The following VPS13D variants were observed in gnomAD, a reference collection of about 807,000 sequenced individuals.
VPS13D encodes intermembrane lipid transfer protein VPS13D.
In VPS13D, 187 loss-of-function variants were observed where a neutral mutation model predicts 461.9. The ratio of observed to expected loss-of-function variants is 0.40; its 90% confidence interval spans 0.36 to 0.46. The LOEUF (loss-of-function observed/expected upper bound fraction) is 0.46, where lower values mean the gene tolerates loss of function less well. VPS13D is among the 20% of genes least tolerant of loss of function. The pLI is 0.60. For synonymous variants in VPS13D, 1,951 were observed against 1,986.3 expected (o/e 0.98, Z 0.47); for missense variants, 4,711 against 5,364.9 (o/e 0.88, Z 3.81).
Position 12,369,614 on chromosome 1 carries a change from A to G in VPS13D, c.10720A>G (p.Ile3574Val), listed in dbSNP as rs1408346747. ...LTVKGAGSSE[I>V]NCNMNDFQDN... ...TGTTAAAGGGGCAGGGTCCTCTGAG[A>G]TCAACTGCAACATGAATGATTTCCA... The change falls in exon 54 of 70, where the codon ATC becomes GTC. Residue 3574 changes from isoleucine to valine, a missense_variant. Ile to Val is a conservative substitution (Grantham distance 29). Transcript: ENST00000620676. The G allele has an allele frequency of 6.2e-7, 1 of 1,614,216 alleles. No individual in the cohort carries two copies. Among genetic ancestry groups the G allele is most frequent in the Admixed American group, 1.7e-5 (1 of 60,018 alleles).
chr1:12,484,728 T>C (rs1472577358), intron 67 of VPS13D, among the ~76,000 whole-genome samples: 2 of 152,134 alleles, frequency 1.3e-5, no homozygotes, highest in Non-Finnish European at 2.9e-5. Flanking sequence ...CTAAGATTGG[T>C]GGGAAAGTAC....
intron 1 of VPS13D, 65 bp downstream of exon 1, chr1:12,230,185 C>G (rs972273564): frequency 1.3e-5 from 2 of 152,222 alleles, no homozygotes; most frequent in African/African-American, 4.8e-5. Flanking sequence ...CGGCGCGGAC[C>G]CGCGGGCCGC....
intron 43 of VPS13D, among the ~76,000 whole-genome samples, chr1:12,345,734 C>T (rs527806673): frequency 7.9e-5 from 12 of 152,338 alleles, no homozygotes; most frequent in Admixed American, 1.3e-4. Flanking sequence ...CACATTTCCT[C>T]ACCTCTGTAG....
In VPS13D at chr1:12,474,204, C is replaced by T. The variant is rs35530056; in HGVS notation, c.12662+13808C>T. 8.2e-3 allele frequency among the ~76,000 whole-genome samples: 1,250 copies of T among 152,094 alleles called. 7 individuals carry two copies. The highest frequency in any genetic ancestry group is 0.013 in the Non-Finnish European group (870 of 67,994). On this transcript the variant is annotated intron_variant, in intron 67 of 69. Coordinates refer to ENST00000620676, the MANE Select transcript of VPS13D (RefSeq NM_015378.4). Reference sequence around the variant, plus strand: ...CTTAAGGAAATTAGGATGGGGCATGCGACCCTGTAACAGCTGATAAACTGT... The same window carrying T: ...CTTAAGGAAATTAGGATGGGGCATGTGACCCTGTAACAGCTGATAAACTGT...
chr1:12,492,615 G>C (rs774494378), intron 67 of VPS13D, among the ~76,000 whole-genome samples: 6 of 152,182 alleles, frequency 3.9e-5, no homozygotes, highest in Non-Finnish European at 7.3e-5. Context: ...TTAAGTGAAC[G>C]TTTATATCTT....
intron 68 of VPS13D, among the ~76,000 whole-genome samples, chr1:12,503,382 C>T (rs1177526488): frequency 6.6e-6 from 1 of 151,574 alleles, no homozygotes; most frequent in East Asian, 1.9e-4. Context: ...TGGGGTCTCA[C>T]TATGTGGCCC....
Position 12,506,996 on chromosome 1 carries a change from C to A in VPS13D, c.12938C>A (p.Ser4313Tyr). 6.2e-7 allele frequency: 1 copy of A among 1,614,266 alleles called. No individual in the cohort carries two copies. The highest frequency in any genetic ancestry group is 8.5e-7 in the Non-Finnish European group (1 of 1,180,052). Reference protein sequence around the residue: ...KYDDLYHCLVSKDHGKVYVQV... With the variant: ...KYDDLYHCLVYKDHGKVYVQV... ...GATGACCTCTACCACTGCCTTGTCT[C>A]CAAAGACCATGGGAAGGTGTATGTG... The change falls in exon 69 of 70, where the codon TCC becomes TAC. Residue 4313 changes from serine (S) to tyrosine (Y), a missense_variant. Ser to Tyr is a moderately radical substitution (Grantham distance 144). Coordinates refer to ENST00000620676, the MANE Select transcript of VPS13D (RefSeq NM_015378.4).
chr1:12,249,428 T>G, intron 6 of VPS13D, 89 bp downstream of exon 6: 1 of 997,176 alleles, frequency 1.0e-6, no homozygotes, highest in East Asian at 2.6e-5. Context: ...GTTATGTAAA[T>G]GAATCACATT....
intron 65 of VPS13D, among the ~76,000 whole-genome samples, chr1:12,430,239 G>A (rs546350395): frequency 1.3e-4 from 20 of 152,248 alleles, no homozygotes; most frequent in African/African-American, 3.4e-4. Context: ...CCTTTGTAGC[G>A]TCCTCCTGTT....
chr1:12,273,860 A>C (rs375506608), intron 18 of VPS13D, among the ~76,000 whole-genome samples: 7 of 152,098 alleles, frequency 4.6e-5, no homozygotes, highest in African/African-American at 1.7e-4. Flanking sequence ...TGCTGTGAGC[A>C]TTCATGTACA....
intron 58 of VPS13D, among the ~76,000 whole-genome samples, chr1:12,383,368 A>G (rs1324733963): frequency 3.3e-5 from 5 of 152,274 alleles, no homozygotes; most frequent in South Asian, 2.1e-4. Flanking sequence ...CAAAGTATCA[A>G]TGAAATATGT....
At chr1:12,317,594 C>T (rs1263160667) in intron 30 of VPS13D, among the ~76,000 whole-genome samples, 1 of 151,540 alleles carries the variant, frequency 6.6e-6, no homozygotes, top group Non-Finnish European at 1.5e-5. Flanking sequence ...AAAATGTCTC[C>T]AAGGGCCAGG....
chr1:12,423,160 C>G (rs1644883743), intron 65 of VPS13D, among the ~76,000 whole-genome samples: 1 of 152,176 alleles, frequency 6.6e-6, no homozygotes, highest in Non-Finnish European at 1.5e-5. Flanking sequence ...ATTTGATCAT[C>G]AGAATTACCT....
rs1641827981 is a variant in VPS13D, at chr1:12,282,849, G to A, written c.4747G>A (p.Glu1583Lys). 6.2e-7 allele frequency: 1 copy of A among 1,614,096 alleles called. No homozygotes were observed. Among genetic ancestry groups the A allele is most frequent in the Middle Eastern group, 1.6e-4 (1 of 6,062 alleles). ...TCTGCCTCCCCTCAGTACCTGTGGA[G>A]AATCTTCTGTTGAAAGGAAGGAGAA... Reference protein sequence around the residue: ...SPLPPLSTCGESSVERKENGL... With the variant: ...SPLPPLSTCGKSSVERKENGL... Residue 1583 changes from glutamate to lysine, a missense_variant, in exon 21 of 70, where the codon GAA (glutamate) becomes AAA (lysine). Physicochemically the swap from Glu to Lys is moderately conservative, Grantham distance 56. This residue lies in a region of VPS13D where 4,411 missense variants were observed against 4,937.8 expected (regional missense o/e 0.89). Coordinates refer to ENST00000620676, the MANE Select transcript of VPS13D (RefSeq NM_015378.4).
At chr1:12,264,093 G>C (rs1641194940) in intron 13 of VPS13D, among the ~76,000 whole-genome samples, 1 of 152,104 alleles carries the variant, frequency 6.6e-6, no homozygotes, top group African/African-American at 2.4e-5. Context: ...AATTTGTAAT[G>C]TTATTATTGT....
At chr1:12,378,309 G>T in intron 55 of VPS13D, 119 bp from the exon 56 acceptor site, 2 of 889,014 alleles carry the variant, frequency 2.2e-6, no homozygotes, top group Non-Finnish European at 3.1e-6. Context: ...TGTGGAAAAC[G>T]TCTAAATAAA....
intron 65 of VPS13D, among the ~76,000 whole-genome samples, chr1:12,425,831 CA>C (rs1557431355): frequency 6.6e-6 from 1 of 151,796 alleles, no homozygotes; most frequent in Non-Finnish European, 1.5e-5. Context: ...TAGAAGTTTT[CA>C]AAAAAAATTA....
chr1:12,433,093 G>A (rs1457832439), intron 65 of VPS13D, among the ~76,000 whole-genome samples: 2 of 152,208 alleles, frequency 1.3e-5, no homozygotes, highest in Admixed American at 6.5e-5. Flanking sequence ...GCACAGGCAT[G>A]TGGCAGAATG....
In VPS13D at chr1:12,267,958, T is replaced by A. The variant is rs1216785099; in HGVS notation, c.1801+38T>A. On this transcript the variant is annotated intron_variant, in intron 15 of 69. Coordinates refer to ENST00000620676, the MANE Select transcript of VPS13D (RefSeq NM_015378.4). ...ATGTTGTTTTTTTAAAATTTTTAAA[T>A]TTTTTAAATTAATTTTTCTTTGAGA... is the stretch of plus-strand genomic sequence containing the variant. 7.1e-6 allele frequency: 11 copies of A among 1,540,694 alleles called. No individual in the cohort carries two copies. The Admixed American group carries it at 1.5e-4, about 21-fold the overall frequency.
Sources: gnomAD v4.1 joint callset for allele counts (sites outside exome capture counted in the v4.1 genomes callset) on GRCh38, gnomAD v4.1.1 for gene constraint, gnomAD v4.1.1 regional missense constraint, MANE v1.5 for transcripts, NCBI Gene and HGNC (gene_info 2026-07-23, HGNC 2026-07-21) for gene names.